The following SND1 variants were observed in gnomAD, a reference collection of about 807,000 sequenced individuals.
The protein encoded by SND1 is staphylococcal nuclease and tudor domain containing 1.
Under a neutral mutation model 121.7 loss-of-function variants are expected in SND1, and 38 were observed. That is an observed-to-expected ratio of 0.31 (90% CI 0.24 to 0.41). The LOEUF (loss-of-function observed/expected upper bound fraction) is 0.41. SND1 is among the 10% of genes least tolerant of loss of function. SND1 has a pLI of 1.00. For synonymous variants in SND1, 401 were observed against 447.4 expected, an observed-to-expected ratio of 0.90 and a Z score of 1.31; for missense variants, 868 against 1,184.6, an observed-to-expected ratio of 0.73 and a Z score of 3.92.
intron 15 of SND1, among the ~76,000 whole-genome samples, chr7:127,943,594 C>G: frequency 6.6e-6 from 1 of 152,088 alleles, no homozygotes; most frequent in African/African-American, 2.4e-5. Flanking sequence ...TCTCTAGAAA[C>G]TGGTCAGCTG....
chr7:128,037,719 C>T (rs1346522747), intron 16 of SND1, among the ~76,000 whole-genome samples: 1 of 152,132 alleles, frequency 6.6e-6, no homozygotes, highest in African/African-American at 2.4e-5. Context: ...GCTGTTGGGT[C>T]TTCCCACTGG....
chr7:128,012,316 C>T (rs998597570), intron 16 of SND1, among the ~76,000 whole-genome samples: 16 of 152,230 alleles, frequency 1.1e-4, no homozygotes, highest in Middle Eastern at 3.4e-3. Context: ...TCACTGTAAC[C>T]GCCCTGAGAG....
intron 3 of SND1, among the ~76,000 whole-genome samples, chr7:127,697,124 G>T (rs568302910): frequency 3.3e-5 from 5 of 152,230 alleles, no homozygotes; most frequent in South Asian, 2.1e-4. Flanking sequence ...TTGAAGAGAT[G>T]ATTAGTTTTC....
intron 10 of SND1, among the ~76,000 whole-genome samples, chr7:127,757,889 C>T (rs937479202): frequency 3.9e-5 from 6 of 152,136 alleles, no homozygotes; most frequent in Non-Finnish European, 8.8e-5. Flanking sequence ...TTCCTGTGTT[C>T]TTAATTTCTT....
intron 14 of SND1, among the ~76,000 whole-genome samples, chr7:127,905,920 A>C (rs1237546612): frequency 6.6e-6 from 1 of 152,206 alleles, no homozygotes; most frequent in Non-Finnish European, 1.5e-5. Flanking sequence ...CCTAGGCTGC[A>C]GGAGAGATGA....
rs142821062 is a variant in SND1 at position 127,794,242 on chromosome 7, C to T, written c.1153-13242C>T. On this transcript the variant is annotated intron_variant, in intron 10 of 23. Transcript: ENST00000354725. ...GGTGGATAAAATATGTGGCACTAGACCTGGCATCCTGATTTAGACCTTGGA... is the reference window on the plus strand; with the variant it reads ...GGTGGATAAAATATGTGGCACTAGATCTGGCATCCTGATTTAGACCTTGGA... 9.0e-4 allele frequency among the ~76,000 whole-genome samples: 137 copies of T among 152,294 alleles called. 1 individual carries two copies. The East Asian group carries it at 0.024, about 26-fold the overall frequency.
chr7:127,758,333 C>T (rs562541167), intron 10 of SND1, among the ~76,000 whole-genome samples: 3 of 152,180 alleles, frequency 2.0e-5, no homozygotes, highest in Non-Finnish European at 4.4e-5. Context: ...GTCCTTATGT[C>T]ATTCACAGCT....
intron 10 of SND1, among the ~76,000 whole-genome samples, chr7:127,785,865 CAGA>C (rs1197469994): frequency 3.3e-5 from 5 of 152,218 alleles, no homozygotes; most frequent in African/African-American, 1.2e-4. Context: ...ACTGAGATTG[CAGA>C]AGATCTGCCT....
At chr7:127,973,011 C>A (rs1308751641) in intron 15 of SND1, among the ~76,000 whole-genome samples, 2 of 152,056 alleles carry the variant, frequency 1.3e-5, no homozygotes. Context: ...TGGAGAGGGC[C>A]CAAATGAGGT....
At chr7:128,059,887 A>G (rs1161537270) in intron 16 of SND1, among the ~76,000 whole-genome samples, 2 of 152,230 alleles carry the variant, frequency 1.3e-5, no homozygotes, top group Non-Finnish European at 2.9e-5. Context: ...ATCGTGCTGC[A>G]CATGCCCCAG....
At chr7:127,754,102 T>C (rs752060005) in intron 10 of SND1, among the ~76,000 whole-genome samples, 30 of 152,234 alleles carry the variant, frequency 2.0e-4, no homozygotes, top group Non-Finnish European at 4.1e-4. Flanking sequence ...GAACAGATAT[T>C]AGACTCTCTG....
chr7:127,721,330 A>G lies in SND1; in HGVS notation c.1082A>G (p.Asn361Ser). The change falls in exon 10 of 24, where the codon AAC becomes AGC. Residue 361 changes from asparagine (N) to serine (S), a missense_variant. Asn to Ser is a conservative substitution (Grantham distance 46). This residue lies in a region of SND1 where 743 missense variants were observed against 1,071.3 expected (regional missense o/e 0.69). Coordinates refer to ENST00000354725, the MANE Select transcript of SND1 (RefSeq NM_014390.4). ...LNADAIVVKL[N>S]SGDYKTIHLS... is the part of the protein sequence containing the mutation. Reference sequence around the variant, plus strand: ...GCTGATGCCATTGTTGTGAAGCTGAACTCAGGCGATTACAAGACGATTCAC... The same window carrying G: ...GCTGATGCCATTGTTGTGAAGCTGAGCTCAGGCGATTACAAGACGATTCAC... The G allele has an allele frequency of 6.2e-7, 1 of 1,613,708 alleles. No individual in the cohort carries two copies.
chr7:127,655,134 C>T (rs2116217774), intron 1 of SND1, among the ~76,000 whole-genome samples: 1 of 152,320 alleles, frequency 6.6e-6, no homozygotes, highest in East Asian at 1.9e-4. Context: ...TTTATCTGGA[C>T]TCAGGCTGAG....
chr7:127,823,390 A>G (rs1798584273), intron 11 of SND1, among the ~76,000 whole-genome samples: 1 of 152,148 alleles, frequency 6.6e-6, no homozygotes, highest in African/African-American at 2.4e-5. Context: ...AGAGAACTCA[A>G]CATCTTATTT....
At chr7:128,042,055 G>C (rs1792864575) in intron 16 of SND1, among the ~76,000 whole-genome samples, 1 of 152,172 alleles carries the variant, frequency 6.6e-6, no homozygotes, top group South Asian at 2.1e-4. Flanking sequence ...GACACTGGCA[G>C]CCTGGCTAGA....
At chr7:128,056,500 C>G (rs1227906567) in intron 16 of SND1, among the ~76,000 whole-genome samples, 1 of 152,250 alleles carries the variant, frequency 6.6e-6, no homozygotes, top group African/African-American at 2.4e-5. Flanking sequence ...TGATTGGCAT[C>G]TGTATTTCCA....
At chr7:128,051,928 T>A (rs576298769) in intron 16 of SND1, among the ~76,000 whole-genome samples, 23 of 152,280 alleles carry the variant, frequency 1.5e-4, no homozygotes, top group Non-Finnish European at 2.8e-4. Flanking sequence ...ATAAAAAAAA[T>A]GGATCAGATG....
chr7:127,998,016 C>CT (rs1422599319), intron 16 of SND1: 2 of 525,544 alleles, frequency 3.8e-6, no homozygotes, highest in African/African-American at 3.9e-5. Flanking sequence ...ACCCAAGTCT[C>CT]TCCCCACTAG....
intron 16 of SND1, among the ~76,000 whole-genome samples, chr7:128,058,817 T>A (rs1443841702): frequency 6.6e-6 from 1 of 152,118 alleles, no homozygotes; most frequent in African/African-American, 2.4e-5. Context: ...CAGGTTCCTC[T>A]CGTTCCGTCC....
Sources: allele counts gnomAD v4.1 joint callset (sites outside exome capture counted in the v4.1 genomes callset), GRCh38; gene constraint gnomAD v4.1.1; regional missense constraint gnomAD v4.1.1; transcripts MANE v1.5; gene names NCBI Gene and HGNC (gene_info 2026-07-23, HGNC 2026-07-21).